The following ATXN10 variants were observed in gnomAD, a reference collection of about 807,000 sequenced individuals.
ATXN10 encodes the protein ataxin-10.
In ATXN10, 28 loss-of-function variants were observed where a neutral mutation model predicts 52.9. That is an observed-to-expected ratio of 0.53 (90% CI 0.39 to 0.73). ATXN10 has a LOEUF of 0.73. Ranked by LOEUF, ATXN10 falls within the 30% of genes least tolerant of loss-of-function variation. The pLI, the probability that ATXN10 is intolerant of heterozygous loss-of-function variation, is 0.00. For missense variants in ATXN10, 565 were observed against 577.0 expected (o/e 0.98, Z 0.21); for synonymous variants, 226 against 221.5 (o/e 1.02, Z -0.18).
rs542773955 is a variant in ATXN10, at chr22:45,772,892, T to C, written c.1173+32354T>C. Among the ~76,000 whole-genome samples, 206 of 152,392 alleles carry C rather than the reference T, an allele frequency of 1.4e-3. No homozygotes were observed. Among genetic ancestry groups the C allele is most frequent in the African/African-American group, 4.4e-3 (182 of 41,598 alleles). ...GATACAAAATGGTATGGTATTTGCA[T>C]ATCACCTATGTACATCCTCCCGTAT... On this transcript the variant is annotated intron_variant, in intron 9 of 11. Coordinates refer to ENST00000252934, the MANE Select transcript of ATXN10 (RefSeq NM_013236.4). This position sits in a 1 kb window ranked among gnomAD's most constrained non-coding sequence, Gnocchi z 4.1.
chr22:45,699,513 A>T (rs374070809), intron 3 of ATXN10, among the ~76,000 whole-genome samples: 47 of 112,504 alleles, frequency 4.2e-4, no homozygotes, highest in Non-Finnish European at 6.7e-4. Flanking sequence ...TTTTTTTGAG[A>T]CAGGGTCTGG....
At chr22:45,812,082 G>C (rs1255853335) in intron 10 of ATXN10, among the ~76,000 whole-genome samples, 5 of 152,136 alleles carry the variant, frequency 3.3e-5, no homozygotes, top group Non-Finnish European at 7.3e-5. Flanking sequence ...AGTTGTCCAA[G>C]CACATCTCTG....
chr22:45,710,874 G>A (rs927628116), intron 5 of ATXN10, among the ~76,000 whole-genome samples: 3 of 152,060 alleles, frequency 2.0e-5, no homozygotes, highest in Non-Finnish European at 2.9e-5. Context: ...GAATAAGTCT[G>A]GTGATTGGTG....
intron 5 of ATXN10, among the ~76,000 whole-genome samples, chr22:45,710,045 C>T (rs1459173987): frequency 6.6e-6 from 1 of 152,204 alleles, no homozygotes; most frequent in Non-Finnish European, 1.5e-5. Context: ...CTTTCTGTCT[C>T]TCCTTTTGCC....
At chr22:45,794,574 T>C (rs929640501) in intron 9 of ATXN10, among the ~76,000 whole-genome samples, 3 of 152,186 alleles carry the variant, frequency 2.0e-5, no homozygotes, top group African/African-American at 4.8e-5. Flanking sequence ...GTTGTTCTAA[T>C]TCACTGACTT....
intron 9 of ATXN10, among the ~76,000 whole-genome samples, chr22:45,761,319 A>C (rs1339821258): frequency 2.0e-5 from 3 of 152,158 alleles, no homozygotes; most frequent in Non-Finnish European, 2.9e-5. Flanking sequence ...AAACACTACA[A>C]GCCTAGCATG....
chr22:45,718,273 A>C lies in ATXN10; in HGVS notation c.648-140A>C. On this transcript the variant is annotated intron_variant, in intron 5 of 11. Transcript: ENST00000252934. The surrounding 1 kb of genome is among the most constrained non-coding windows in gnomAD (Gnocchi z 4.4). ...AGATTAATAGTATGTGAACCTTTTAAGACATTTAAGATTACAGCAAATCAA... is the reference window on the plus strand; with the variant it reads ...AGATTAATAGTATGTGAACCTTTTACGACATTTAAGATTACAGCAAATCAA... 1.3e-6 allele frequency: 1 copy of C among 750,856 alleles called. No homozygotes were observed. Among genetic ancestry groups the C allele is most frequent in the Admixed American group, 2.0e-5 (1 of 51,096 alleles). 46.5% of individuals were successfully genotyped at this position (750,856 alleles called of 1,614,324 possible). A position where few individuals can be genotyped will look rare whatever the true frequency, so the allele number is the denominator to read the frequency against.
chr22:45,745,185 A>G (rs1236784936), intron 9 of ATXN10, among the ~76,000 whole-genome samples: 1 of 152,214 alleles, frequency 6.6e-6, no homozygotes, highest in Non-Finnish European at 1.5e-5. Context: ...TTGTTAGAAT[A>G]AGGAATGTAT....
chr22:45,704,278 A>G (rs746190098), intron 5 of ATXN10, among the ~76,000 whole-genome samples: 4 of 150,522 alleles, frequency 2.7e-5, no homozygotes, highest in Non-Finnish European at 5.9e-5. Context: ...TTCTGTTTCC[A>G]TATTAATTTT....
intron 6 of ATXN10, among the ~76,000 whole-genome samples, chr22:45,722,496 TTGAC>T (rs545317324): frequency 2.9e-4 from 44 of 152,212 alleles, no homozygotes; most frequent in Non-Finnish European, 5.3e-4. Context: ...ATTTCTGACT[TTGAC>T]TGCTTCTTTC....
At chr22:45,687,643 T>C (rs1054349757) in intron 1 of ATXN10, among the ~76,000 whole-genome samples, 16 of 152,220 alleles carry the variant, frequency 1.1e-4, no homozygotes, top group African/African-American at 3.9e-4. Flanking sequence ...TGATTAGTTT[T>C]GTTCTTTGTC....
In ATXN10 at chr22:45,842,807, C is replaced by T. The variant is rs769578526; in HGVS notation, c.1238-184C>T. 5.3e-5 allele frequency among the ~76,000 whole-genome samples: 8 copies of T among 152,136 alleles called. No homozygotes were observed. Among genetic ancestry groups the T allele is most frequent in the Non-Finnish European group, 1.0e-4 (7 of 68,028 alleles). ...CTGGATGTACATGTGCATATGCCTG[C>T]GTTGCCTCTTTTTAATGTGTTTGCA... is the stretch of plus-strand genomic sequence containing the variant. On this transcript the variant is annotated intron_variant, in intron 10 of 11. Coordinates refer to ENST00000252934, the MANE Select transcript of ATXN10 (RefSeq NM_013236.4). The surrounding 1 kb of genome is among the most constrained non-coding windows in gnomAD (Gnocchi z 4.8).
intron 5 of ATXN10, among the ~76,000 whole-genome samples, chr22:45,704,852 A>C (rs958023085): frequency 2.6e-5 from 4 of 152,170 alleles, no homozygotes; most frequent in Non-Finnish European, 5.9e-5. Flanking sequence ...TTTCTTATTT[A>C]AGATCTTAGT....
In ATXN10 at chr22:45,727,051, T is replaced by C. The variant is rs1040737443; in HGVS notation, c.729-2374T>C. 3.3e-5 allele frequency among the ~76,000 whole-genome samples: 5 copies of C among 152,198 alleles called. No individual in the cohort carries two copies. Among genetic ancestry groups the C allele is most frequent in the Admixed American group, 6.5e-5 (1 of 15,278 alleles). On this transcript the variant is annotated intron_variant, in intron 6 of 11. Transcript: ENST00000252934. The surrounding 1 kb of genome is among the most constrained non-coding windows in gnomAD (Gnocchi z 4.6). ...GTCAACTTGTGGTCTTTCAGACTTT[T>C]CGATGTAGGCATTTAGCACTGTAAA...
intron 1 of ATXN10, among the ~76,000 whole-genome samples, chr22:45,687,998 A>C (rs1923215949): frequency 6.6e-6 from 1 of 152,212 alleles, no homozygotes; most frequent in African/African-American, 2.4e-5. Context: ...CAGAGGTTGC[A>C]GTGAGCCAAG....
rs562476590 is a variant in ATXN10 at position 45,683,414 on chromosome 22, G to A, written c.117-6298G>A. 1.2e-4 allele frequency among the ~76,000 whole-genome samples: 19 copies of A among 152,210 alleles called. No homozygotes were observed. Among genetic ancestry groups the A allele is most frequent in the African/African-American group, 3.8e-4 (16 of 41,562 alleles). ...TACTGTGCCTGTCCAGGGTGGCTCT[G>A]TCTTGTCTCTCTGAGTCGCACTTCT... On this transcript the variant is annotated intron_variant, in intron 1 of 11. Transcript: ENST00000252934. The surrounding 1 kb of genome is among the most constrained non-coding windows in gnomAD (Gnocchi z 4.8).
At position 45,681,991 on chromosome 22, in the gene ATXN10, A is replaced by G. The variant is rs1922941039; in HGVS notation, c.117-7721A>G. Among the ~76,000 whole-genome samples the G allele has an allele frequency of 6.6e-6, 1 of 152,206 alleles. No individual in the cohort carries two copies. The highest frequency in any genetic ancestry group is 1.5e-5 in the Non-Finnish European group (1 of 68,032). On this transcript the variant is annotated intron_variant, in intron 1 of 11. Transcript: ENST00000252934. The surrounding 1 kb of genome is among the most constrained non-coding windows in gnomAD (Gnocchi z 4.2). ...GTGGATTAGCGATCTTGCTCTGAAT[A>G]TGAGCTCCCCTTAAGTTTGCACTAA...
intron 6 of ATXN10, among the ~76,000 whole-genome samples, chr22:45,721,652 G>A (rs1446582772): frequency 1.3e-5 from 2 of 152,144 alleles, no homozygotes. Flanking sequence ...CTGCTACTAT[G>A]CTGATGACCT....
intron 3 of ATXN10, among the ~76,000 whole-genome samples, chr22:45,694,089 C>CG (rs557521515): frequency 1.2e-3 from 183 of 152,138 alleles, no homozygotes; most frequent in African/African-American, 4.4e-3. Context: ...TGTTAAGTGT[C>CG]TAAGTCAAGT....
Sources: gnomAD v4.1 joint callset for allele counts (sites outside exome capture counted in the v4.1 genomes callset) on GRCh38, gnomAD v4.1.1 for gene constraint, Gnocchi (gnomAD v3.1) non-coding constraint, MANE v1.5 for transcripts, NCBI Gene and HGNC (gene_info 2026-07-23, HGNC 2026-07-21) for gene names.